Variants in PDE4D observed in about 807,000 individuals in gnomAD.
PDE4D encodes the protein phosphodiesterase 4D.
PDE4D carries 24 observed loss-of-function variants against 87.4 expected under a neutral mutation model. The ratio of observed to expected loss-of-function variants is 0.27; its 90% CI spans 0.20 to 0.39. PDE4D has a LOEUF of 0.39. Among genes scored for constraint, PDE4D ranks in the 10% least tolerant of loss-of-function variants. PDE4D has a pLI of 1.00. For missense variants in PDE4D, 714 were observed against 1,041.0 expected (o/e 0.69, Z 4.32); for synonymous variants, 384 against 383.2 (o/e 1.00, Z -0.02).
chr5:59,499,881 CAA>C (rs201205880), intron 1 of PDE4D, among the ~76,000 whole-genome samples: 17,431 of 137,410 alleles, frequency 0.13, 3,200 homozygotes, highest in African/African-American at 0.41. Flanking sequence ...TGAAAGTATT[CAA>C]AAAAAAAAAA....
intron 1 of PDE4D, among the ~76,000 whole-genome samples, chr5:60,397,536 A>G (rs2150039048): frequency 6.6e-6 from 1 of 152,376 alleles, no homozygotes; most frequent in Non-Finnish European, 1.5e-5. Context: ...TAAGCCAAGC[A>G]CAGAAAAACA....
At chr5:60,139,973 T>C (rs1173155318) in intron 2 of PDE4D, among the ~76,000 whole-genome samples, 1 of 152,096 alleles carries the variant, frequency 6.6e-6, no homozygotes, top group Non-Finnish European at 1.5e-5. Context: ...TGGTATACAC[T>C]GCCTCTTAAT....
At chr5:60,072,346 C>T (rs2152896978) in intron 2 of PDE4D, among the ~76,000 whole-genome samples, 1 of 152,162 alleles carries the variant, frequency 6.6e-6, no homozygotes, top group East Asian at 1.9e-4. Flanking sequence ...CCTTTGCCCA[C>T]TTTTTAATGG....
chr5:59,770,028 C>T (rs189339538), intron 1 of PDE4D, among the ~76,000 whole-genome samples: 1 of 152,204 alleles, frequency 6.6e-6, no homozygotes, highest in African/African-American at 2.4e-5. Context: ...GGGTCAACCA[C>T]TTGGTCCATC....
At chr5:59,972,171 T>C (rs898057347) in intron 3 of PDE4D, among the ~76,000 whole-genome samples, 1 of 152,180 alleles carries the variant, frequency 6.6e-6, no homozygotes, top group Non-Finnish European at 1.5e-5. Context: ...ATTGAGGTTA[T>C]AGACCCTCCC....
At chr5:59,855,699 G>T (rs550765440) in intron 1 of PDE4D, among the ~76,000 whole-genome samples, 4 of 152,214 alleles carry the variant, frequency 2.6e-5, no homozygotes, top group South Asian at 4.1e-4. Context: ...TGTATTCTTA[G>T]GAGGCAGGAA....
intron 1 of PDE4D, among the ~76,000 whole-genome samples, chr5:60,400,875 T>C (rs975499499): frequency 2.0e-5 from 3 of 152,196 alleles, no homozygotes; most frequent in African/African-American, 7.2e-5. Context: ...CAGGTTGCAG[T>C]GAGCCGAGAT....
At chr5:59,824,229 A>G (rs1048137482) in intron 1 of PDE4D, among the ~76,000 whole-genome samples, 6 of 152,194 alleles carry the variant, frequency 3.9e-5, no homozygotes, top group African/African-American at 1.4e-4. Context: ...TAAAAATTTT[A>G]TTAATGAGAT....
chr5:59,400,378 A>G (rs1790358194), intron 1 of PDE4D, among the ~76,000 whole-genome samples: 1 of 143,258 alleles, frequency 7.0e-6, no homozygotes, highest in Non-Finnish European at 1.5e-5. Context: ...TGTGGCACAT[A>G]TGCACCATGG....
chr5:59,912,260 T>C (rs986822124), intron 3 of PDE4D, among the ~76,000 whole-genome samples: 2 of 152,230 alleles, frequency 1.3e-5, no homozygotes, highest in African/African-American at 4.8e-5. Flanking sequence ...ATTTGTTGAA[T>C]GAATATGATC....
chr5:59,688,126 T>G (rs111897688), intron 1 of PDE4D, among the ~76,000 whole-genome samples: 1 of 152,144 alleles, frequency 6.6e-6, no homozygotes, highest in Non-Finnish European at 1.5e-5. Context: ...AAAGAGAGAC[T>G]GTAACACCCC....
chr5:59,015,784 A>C (rs1367964437), intron 6 of PDE4D, among the ~76,000 whole-genome samples: 4 of 152,206 alleles, frequency 2.6e-5, no homozygotes, highest in African/African-American at 9.6e-5. Flanking sequence ...ATATATATCC[A>C]AAGGATTATA....
intron 1 of PDE4D, among the ~76,000 whole-genome samples, chr5:59,725,097 C>T (rs549972336): frequency 2.6e-5 from 4 of 152,040 alleles, no homozygotes; most frequent in Non-Finnish European, 5.9e-5. Context: ...TCTTCTCCCT[C>T]CATTCCCCAC....
At chr5:59,830,620 T>C (rs1741042458) in intron 1 of PDE4D, among the ~76,000 whole-genome samples, 1 of 152,080 alleles carries the variant, frequency 6.6e-6, no homozygotes, top group Non-Finnish European at 1.5e-5. Flanking sequence ...GTACATTTCA[T>C]TAATAGCCAA....
At chr5:59,067,358 G>C (rs567392141) in intron 5 of PDE4D, among the ~76,000 whole-genome samples, 2 of 152,060 alleles carry the variant, frequency 1.3e-5, no homozygotes, top group African/African-American at 2.4e-5. Flanking sequence ...TAAGACAGAA[G>C]GAAAAATAGG....
At chr5:58,978,737 AT>A (rs957479590) in intron 11 of PDE4D, among the ~76,000 whole-genome samples, 1 of 152,026 alleles carries the variant, frequency 6.6e-6, no homozygotes, top group African/African-American at 2.4e-5. Context: ...TTTGTACAGT[AT>A]TTTTTTGTTA....
intron 1 of PDE4D, among the ~76,000 whole-genome samples, chr5:59,616,242 A>G (rs1256806405): frequency 6.6e-6 from 1 of 152,128 alleles, no homozygotes; most frequent in African/African-American, 2.4e-5. Flanking sequence ...ATTTCCAAAC[A>G]TGCTGGCTTT....
chr5:60,130,621 G>T (rs1433739012), intron 2 of PDE4D, among the ~76,000 whole-genome samples: 1 of 152,186 alleles, frequency 6.6e-6, no homozygotes, highest in Non-Finnish European at 1.5e-5. Context: ...TGTGGTATCT[G>T]CAAAAAGTAA....
intron 3 of PDE4D, among the ~76,000 whole-genome samples, chr5:59,928,045 G>A (rs899526610): frequency 3.3e-5 from 5 of 152,198 alleles, no homozygotes; most frequent in African/African-American, 2.4e-5. Context: ...CTCAAGCTGC[G>A]TGGTGTGAGC....
Sources: allele counts gnomAD v4.1 joint callset (sites outside exome capture counted in the v4.1 genomes callset), GRCh38; gene constraint gnomAD v4.1.1; transcripts MANE v1.5; gene names NCBI Gene and HGNC (gene_info 2026-07-23, HGNC 2026-07-21).